Variants in NR2F1-AS1 observed in about 807,000 individuals in gnomAD.
NR2F1-AS1 encodes the protein NR2F1 regulatory antisense RNA 1.
intron 2 of NR2F1-AS1, among the ~76,000 whole-genome samples, chr5:93,562,650 C>G (rs1281969981): frequency 6.6e-6 from 1 of 152,080 alleles, no homozygotes; most frequent in Non-Finnish European, 1.5e-5. Context: ...AATATATTTT[C>G]TTTTTATCTT....
At chr5:93,544,040 A>C (rs1490680559) in intron 4 of NR2F1-AS1, 4 of 152,220 alleles carry the variant, frequency 2.6e-5, no homozygotes, top group African/African-American at 7.2e-5. Context: ...AAGCAAGAAA[A>C]GAGAAATGGG....
intron 2 of NR2F1-AS1, among the ~76,000 whole-genome samples, chr5:93,558,943 C>A (rs1343223139): frequency 6.6e-6 from 1 of 152,088 alleles, no homozygotes; most frequent in Non-Finnish European, 1.5e-5. Context: ...TCTTAAAGGC[C>A]CTAGGATTTT....
At chr5:93,428,680 G>C (rs1450618470) in intron 4 of NR2F1-AS1, among the ~76,000 whole-genome samples, 1 of 152,066 alleles carries the variant, frequency 6.6e-6, no homozygotes, top group Non-Finnish European at 1.5e-5. Flanking sequence ...TGGATATCTA[G>C]GGAAATGGCA....
intron 2 of NR2F1-AS1, among the ~76,000 whole-genome samples, chr5:93,556,551 A>T (rs1373759899): frequency 2.6e-5 from 4 of 152,190 alleles, no homozygotes; most frequent in African/African-American, 9.7e-5. Context: ...TGGAGACAGG[A>T]TCTTTGCAAA....
chr5:93,472,528 A>ATTT (rs1750388236), intron 4 of NR2F1-AS1, among the ~76,000 whole-genome samples: 3 of 151,880 alleles, frequency 2.0e-5, no homozygotes, highest in African/African-American at 7.2e-5. Flanking sequence ...CTCTCACTCA[A>ATTT]GATATAAAAA....
At chr5:93,456,605 T>C (rs1324447385) in intron 4 of NR2F1-AS1, among the ~76,000 whole-genome samples, 2 of 152,156 alleles carry the variant, frequency 1.3e-5, no homozygotes, top group African/African-American at 2.4e-5. Context: ...TTCTAAAATT[T>C]AAATGAAAAT....
At chr5:93,581,840 TCTCTCTCTCTCTC>T (rs1377350810), upstream of NR2F1-AS1, among the ~76,000 whole-genome samples, 6 of 36,956 alleles carry the variant, frequency 1.6e-4, no homozygotes, top group Admixed American at 3.0e-4. Context: ...CTCTCTCCTC[TCTCTCTCTCTCTC>T]CTCTCTCTCT....
chr5:93,458,458 A>G (rs951657909), intron 4 of NR2F1-AS1, among the ~76,000 whole-genome samples: 1 of 152,214 alleles, frequency 6.6e-6, no homozygotes, highest in African/African-American at 2.4e-5. Flanking sequence ...AAAGAGAACA[A>G]GAAGAACTAG....
chr5:93,439,862 G>T (rs997177714), intron 4 of NR2F1-AS1, among the ~76,000 whole-genome samples: 14 of 152,038 alleles, frequency 9.2e-5, no homozygotes, highest in African/African-American at 3.4e-4. Flanking sequence ...TTTAATACTT[G>T]CTCATCATGT....
At chr5:93,493,709 T>C (rs1306116427) in intron 4 of NR2F1-AS1, among the ~76,000 whole-genome samples, 5 of 152,194 alleles carry the variant, frequency 3.3e-5, no homozygotes, top group African/African-American at 1.2e-4. Context: ...CTATGGTCAA[T>C]TGATTTTTGA....
chr5:93,461,398 G>A (rs866019584), intron 4 of NR2F1-AS1, among the ~76,000 whole-genome samples: 3 of 152,100 alleles, frequency 2.0e-5, no homozygotes, highest in Non-Finnish European at 4.4e-5. Context: ...TTAATACTGA[G>A]ATGATGGGAT....
At chr5:93,471,609 T>G (rs1480314577) in intron 4 of NR2F1-AS1, among the ~76,000 whole-genome samples, 1 of 151,896 alleles carries the variant, frequency 6.6e-6, no homozygotes, top group Non-Finnish European at 1.5e-5. Flanking sequence ...TTTCATATTT[T>G]TAGGAGTTTA....
chr5:93,446,047 A>G (rs143862743), intron 4 of NR2F1-AS1, among the ~76,000 whole-genome samples: 472 of 152,332 alleles, frequency 3.1e-3, no homozygotes, highest in African/African-American at 0.011. Context: ...GACGGGACGT[A>G]CATCAAAATA....
intron 4 of NR2F1-AS1, among the ~76,000 whole-genome samples, chr5:93,471,975 G>GAGTA (rs1446330409): frequency 6.6e-6 from 1 of 151,774 alleles, no homozygotes; most frequent in Non-Finnish European, 1.5e-5. Flanking sequence ...TTCATTTATT[G>GAGTA]AGTATGTAAC....
At chr5:93,458,881 G>A (rs1017058496) in intron 4 of NR2F1-AS1, among the ~76,000 whole-genome samples, 24 of 151,766 alleles carry the variant, frequency 1.6e-4, no homozygotes, top group Non-Finnish European at 3.2e-4. Context: ...GTATGGTGGC[G>A]CATACCTGTA....
At chr5:93,413,773 T>C (rs1410121309) in intron 4 of NR2F1-AS1, among the ~76,000 whole-genome samples, 1 of 152,194 alleles carries the variant, frequency 6.6e-6, no homozygotes, top group African/African-American at 2.4e-5. Context: ...CTAAACTACA[T>C]CAGAATAGAC....
At chr5:93,517,301 G>T (rs192030461) in intron 4 of NR2F1-AS1, among the ~76,000 whole-genome samples, 127 of 151,998 alleles carry the variant, frequency 8.4e-4, no homozygotes, top group African/African-American at 3.0e-3. Context: ...TGATTTCAGA[G>T]AAACCAGAAT....
chr5:93,499,580 G>T (rs1045508734), intron 4 of NR2F1-AS1, among the ~76,000 whole-genome samples: 5 of 152,198 alleles, frequency 3.3e-5, no homozygotes, highest in Admixed American at 3.3e-4. Context: ...CCAACCAGCA[G>T]TTCCTCTATC....
intron 4 of NR2F1-AS1, among the ~76,000 whole-genome samples, chr5:93,445,675 A>G (rs1749688350): frequency 6.6e-6 from 1 of 152,224 alleles, no homozygotes; most frequent in African/African-American, 2.4e-5. Context: ...ATATAAAAAG[A>G]GGGAATCCTC....
Sources: allele counts gnomAD v4.1 joint callset (sites outside exome capture counted in the v4.1 genomes callset), GRCh38; gene constraint gnomAD v4.1.1; transcripts MANE v1.5; gene names NCBI Gene and HGNC (gene_info 2026-07-23, HGNC 2026-07-21).